The following TMEM196 variants were observed in gnomAD, a reference collection of about 807,000 sequenced individuals.
TMEM196 encodes the protein transmembrane protein 196.
A neutral mutation model predicts 20.0 loss-of-function variants in TMEM196; 17 were observed. The observed-to-expected ratio is 0.85, with a 90% confidence interval of 0.58 to 1.27. The LOEUF (loss-of-function observed/expected upper bound fraction) is 1.27. Ranked by LOEUF, TMEM196 falls within the 50% of genes most tolerant of loss-of-function variation. TMEM196 has a pLI of 0.00. For synonymous variants in TMEM196, 113 were observed against 88.9 expected (o/e 1.27, Z -1.52); for missense variants, 267 against 223.0 (o/e 1.20, Z -1.26).
At chr7:19,745,060 A>T (rs897780752) in intron 1 of TMEM196, among the ~76,000 whole-genome samples, 5 of 152,136 alleles carry the variant, frequency 3.3e-5, no homozygotes, top group Admixed American at 3.3e-4. Flanking sequence ...ATGATGCACA[A>T]GTCCCTTATG....
Position 19,721,923 on chromosome 7 carries a change from C to G in TMEM196, c.*205G>C. 1 of 655,466 alleles carries G rather than the reference C, an allele frequency of 1.5e-6. No homozygotes were observed. Among genetic ancestry groups the G allele is most frequent in the Non-Finnish European group, 2.5e-6 (1 of 399,058 alleles). 40.6% of individuals were successfully genotyped at this position (655,466 alleles called of 1,614,324 possible). A position where few individuals can be genotyped will look rare whatever the true frequency, so the allele number is the denominator to read the frequency against. ...TACCCCATAAAAAAGGGTGGAGAAACCAGTGAGGCAATATATTTTTTAGGA... is the reference window on the plus strand; with the variant it reads ...TACCCCATAAAAAAGGGTGGAGAAAGCAGTGAGGCAATATATTTTTTAGGA... On this transcript the variant is annotated 3_prime_UTR_variant, in exon 5 of 5. Coordinates refer to ENST00000405844, the MANE Select transcript of TMEM196 (RefSeq NM_001363562.2).
intron 2 of TMEM196, among the ~76,000 whole-genome samples, chr7:19,728,163 T>C (rs1784065902): frequency 6.6e-6 from 1 of 152,094 alleles, no homozygotes; most frequent in Non-Finnish European, 1.5e-5. Context: ...CTTCCTTCCT[T>C]TTTTATTTTT....
rs184001627 is a variant in TMEM196 at position 19,745,710 on chromosome 7, G to A, written c.148-16272C>T. Among the ~76,000 whole-genome samples, 255 of 147,316 alleles carry A rather than the reference G, an allele frequency of 1.7e-3. 3 individuals are homozygous for A. Among genetic ancestry groups the A allele is most frequent in the South Asian group, 0.013 (56 of 4,398 alleles). On this transcript the variant is annotated intron_variant, in intron 1 of 4. Coordinates refer to ENST00000405844, the MANE Select transcript of TMEM196 (RefSeq NM_001363562.2). The stretch of plus-strand genomic sequence containing the variant: ...TGGTGCATAATTCATCTAATATGCC[G>A]GCCCTGTTCCATCCCACATCCTGTT...
intron 1 of TMEM196, among the ~76,000 whole-genome samples, chr7:19,755,253 T>C (rs552423844): frequency 1.3e-5 from 2 of 152,238 alleles, no homozygotes; most frequent in African/African-American, 4.8e-5. Context: ...TTTTTGGTAA[T>C]TATTAATTAT....
At chr7:19,752,740 G>A (rs144113420) in intron 1 of TMEM196, among the ~76,000 whole-genome samples, 126 of 151,322 alleles carry the variant, frequency 8.3e-4, no homozygotes, top group African/African-American at 2.8e-3. Flanking sequence ...TCAGCCTCCC[G>A]AGTAGCTGGG....
chr7:19,728,802 A>T (rs547015136), intron 2 of TMEM196, among the ~76,000 whole-genome samples: 1 of 152,334 alleles, frequency 6.6e-6, no homozygotes, highest in South Asian at 2.1e-4. Context: ...ATCAGAGCTA[A>T]CTGGGAGTGT....
At chr7:19,741,908 A>G (rs10950752) in intron 1 of TMEM196, among the ~76,000 whole-genome samples, 36,923 of 152,020 alleles carry the variant, frequency 0.24, 5,760 homozygotes, top group East Asian at 0.47. Flanking sequence ...CCCTTTTGGC[A>G]AAACTGAAAG....
At chr7:19,742,887 G>A (rs997038164) in intron 1 of TMEM196, among the ~76,000 whole-genome samples, 1 of 152,108 alleles carries the variant, frequency 6.6e-6, no homozygotes, top group Non-Finnish European at 1.5e-5. Flanking sequence ...GATGGACAAG[G>A]TTCTTCTCTT....
intron 1 of TMEM196, among the ~76,000 whole-genome samples, chr7:19,771,964 G>A (rs1785898896): frequency 6.6e-6 from 1 of 152,154 alleles, no homozygotes; most frequent in Admixed American, 6.5e-5. Flanking sequence ...ATGTAGCAAA[G>A]GAAAATTAAC....
At chr7:19,750,982 G>T (rs868140608) in intron 1 of TMEM196, among the ~76,000 whole-genome samples, 1 of 152,136 alleles carries the variant, frequency 6.6e-6, no homozygotes, top group Non-Finnish European at 1.5e-5. Flanking sequence ...TAATGCATTC[G>T]AAGTTTCTCC....
chr7:19,732,417 A>G (rs1010885587), intron 1 of TMEM196, among the ~76,000 whole-genome samples: 1 of 152,118 alleles, frequency 6.6e-6, no homozygotes, highest in Non-Finnish European at 1.5e-5. Context: ...TACTAAAAAT[A>G]CAAAAATTAG....
Position 19,725,645 on chromosome 7 carries a change from G to T in TMEM196, c.328C>A (p.Leu110Ile). ...CAGCCCCCGATCCCAATGCACGCGA[G>T]AGACATGGAGGCAAGGTGCAGTGGG... ...LYPLHLASMS[L>I]ACIGIGGCTL... The change falls in exon 3 of 5, where the codon CTC becomes ATC. Residue 110 changes from leucine (L) to isoleucine (I), a missense_variant. By Grantham distance (5) the Leu-to-Ile change is conservative (BLOSUM62 2). Coordinates refer to ENST00000405844, the MANE Select transcript of TMEM196 (RefSeq NM_001363562.2). 2 of 1,614,168 alleles carry T rather than the reference G, an allele frequency of 1.2e-6. No individual in the cohort carries two copies. The highest frequency in any genetic ancestry group is 1.7e-6 in the Non-Finnish European group (2 of 1,180,004).
chr7:19,772,532 A>G lies in TMEM196; in HGVS notation c.147+18T>C, dbSNP rs750650556. The G allele has an allele frequency of 5.9e-6, 9 of 1,531,738 alleles. No individual in the cohort carries two copies. Among genetic ancestry groups the G allele is most frequent in the East Asian group, 5.0e-5 (2 of 40,066 alleles). 94.9% of individuals were successfully genotyped at this position (1,531,738 alleles called of 1,614,324 possible). A position where few individuals can be genotyped will look rare whatever the true frequency, so the allele number is the denominator to read the frequency against. On this transcript the variant is annotated intron_variant, in intron 1 of 4. Transcript: ENST00000405844. Reference sequence around the variant, plus strand: ...GAGAGAGTGAAATGGCTCAACGTACACACACCCCGCTCCATACCGGGGACG... The same window carrying G: ...GAGAGAGTGAAATGGCTCAACGTACGCACACCCCGCTCCATACCGGGGACG...
At chr7:19,743,133 T>C (rs2128024718) in intron 1 of TMEM196, among the ~76,000 whole-genome samples, 1 of 152,274 alleles carries the variant, frequency 6.6e-6, no homozygotes, top group African/African-American at 2.4e-5. Flanking sequence ...ATCAAAGAAC[T>C]GGTGGTATAT....
intron 1 of TMEM196, among the ~76,000 whole-genome samples, chr7:19,734,691 T>G (rs985118020): frequency 6.6e-6 from 1 of 152,086 alleles, no homozygotes; most frequent in Non-Finnish European, 1.5e-5. Flanking sequence ...GACAAGGAAT[T>G]TGATTCTCCC....
intron 1 of TMEM196, among the ~76,000 whole-genome samples, chr7:19,744,906 A>G (rs1373769003): frequency 6.6e-6 from 1 of 152,212 alleles, no homozygotes; most frequent in Non-Finnish European, 1.5e-5. Context: ...AAAGCCAACA[A>G]CAACAAAACA....
At chr7:19,739,792 T>A (rs1256547987) in intron 1 of TMEM196, among the ~76,000 whole-genome samples, 1 of 152,186 alleles carries the variant, frequency 6.6e-6, no homozygotes, top group East Asian at 1.9e-4. Flanking sequence ...CTAACTCAAA[T>A]ATGTTTCTTC....
At chr7:19,740,671 TG>T (rs1439718809) in intron 1 of TMEM196, among the ~76,000 whole-genome samples, 1 of 152,104 alleles carries the variant, frequency 6.6e-6, no homozygotes, top group African/African-American at 2.4e-5. Flanking sequence ...CACCCCTTTT[TG>T]GGGTGGGCCA....
rs1032210821 is a variant in TMEM196 at position 19,773,356 on chromosome 7, G to C, written c.-660C>G. 2 of 155,352 alleles carry C rather than the reference G, an allele frequency of 1.3e-5. No homozygotes were observed. Among genetic ancestry groups the C allele is most frequent in the Non-Finnish European group, 2.9e-5 (2 of 68,534 alleles). The allele number at this position is 155,352 out of a possible 1,614,324, so 9.6% of individuals were successfully genotyped here. ...CGACCTTGTCTGATGGCCTCTTTCC[G>C]TCTGGGTTTCTTCTCCCTCGTCGTC... On this transcript the variant is annotated 5_prime_UTR_variant, in exon 1 of 5. Coordinates refer to ENST00000405844, the MANE Select transcript of TMEM196 (RefSeq NM_001363562.2).
Sources: gnomAD v4.1 joint callset for allele counts (sites outside exome capture counted in the v4.1 genomes callset) on GRCh38, gnomAD v4.1.1 for gene constraint, MANE v1.5 for transcripts, NCBI Gene and HGNC (gene_info 2026-07-23, HGNC 2026-07-21) for gene names.